STPG2: variants seen among roughly 807,000 people sequenced by gnomAD.
STPG2 encodes sperm tail PG-rich repeat containing 2.
Under a neutral mutation model 54.2 loss-of-function variants are expected in STPG2, and 56 were observed. That is an observed-to-expected ratio of 1.03 (90% CI 0.83 to 1.29). STPG2 has a LOEUF of 1.29. STPG2 is among the 50% of genes most tolerant of loss of function. STPG2 has a pLI of 0.00. For synonymous variants in STPG2, 200 were observed against 181.8 expected (o/e 1.10, Z -0.81); for missense variants, 596 against 544.9 (o/e 1.09, Z -0.93).
chr4:98,066,794 G>T (rs1737850889), intron 5 of STPG2, among the ~76,000 whole-genome samples: 1 of 152,124 alleles, frequency 6.6e-6, no homozygotes, highest in Non-Finnish European at 1.5e-5. Flanking sequence ...TAAGAGTACT[G>T]TATGTATTCA....
At chr4:97,597,568 G>A (rs1733331683) in intron 10 of STPG2, among the ~76,000 whole-genome samples, 1 of 151,644 alleles carries the variant, frequency 6.6e-6, no homozygotes, top group South Asian at 2.1e-4. Context: ...GGGATGCAAG[G>A]TTGTTTCAAT....
At chr4:97,634,741 C>A (rs1266099440) in intron 10 of STPG2, among the ~76,000 whole-genome samples, 1 of 151,696 alleles carries the variant, frequency 6.6e-6, no homozygotes, top group Non-Finnish European at 1.5e-5. Context: ...AGGGTATCAG[C>A]AATGGAAGAT....
chr4:98,083,555 C>T (rs1220313380), intron 5 of STPG2, among the ~76,000 whole-genome samples: 2 of 152,138 alleles, frequency 1.3e-5, no homozygotes, highest in Admixed American at 6.5e-5. Flanking sequence ...ACCCAAATTT[C>T]CATCACATTT....
At chr4:97,832,000 T>C (rs1179889450) in intron 9 of STPG2, among the ~76,000 whole-genome samples, 1 of 152,092 alleles carries the variant, frequency 6.6e-6, no homozygotes, top group African/African-American at 2.4e-5. Flanking sequence ...AAAGAAGGAA[T>C]CCTCCCTAAC....
chr4:97,584,360 A>C (rs1732938492), intron 10 of STPG2, among the ~76,000 whole-genome samples: 1 of 152,008 alleles, frequency 6.6e-6, no homozygotes, highest in African/African-American at 2.4e-5. Flanking sequence ...ACTTATCAAA[A>C]CCTCTGGGAT....
chr4:97,519,090 CAG>C lies in STPG2; in HGVS notation c.462+193607_462+193608del. Among the ~76,000 whole-genome samples the C allele has an allele frequency of 1.3e-5, 2 of 152,102 alleles. 1 individual carries two copies. The highest frequency in any genetic ancestry group is 4.1e-4 in the South Asian group (2 of 4,820). Reference sequence around the variant, plus strand: ...TGTAAAGCCAATAAATTAATAAAAACAGTGGTTTAGATTTAAGACCGAATAAT... The same window carrying C: ...TGTAAAGCCAATAAATTAATAAAAACTGGTTTAGATTTAAGACCGAATAAT... On this transcript the variant is annotated intron_variant, in intron 4 of 4. Coordinates refer to the STPG2 transcript ENST00000522676.
intron 5 of STPG2, among the ~76,000 whole-genome samples, chr4:98,084,835 T>A (rs1333651252): frequency 6.6e-6 from 1 of 152,160 alleles, no homozygotes; most frequent in Non-Finnish European, 1.5e-5. Flanking sequence ...ATAAGAATTC[T>A]TTATTATTCT....
chr4:97,555,064 T>C (rs1732046684), downstream of STPG2, among the ~76,000 whole-genome samples: 1 of 152,278 alleles, frequency 6.6e-6, no homozygotes, highest in Non-Finnish European at 1.5e-5. Flanking sequence ...AAAAAATCAC[T>C]AGAGCCTCTT....
intron 8 of STPG2, among the ~76,000 whole-genome samples, chr4:97,864,814 CAA>C (rs1224792171): frequency 1.3e-5 from 2 of 152,072 alleles, no homozygotes; most frequent in African/African-American, 4.8e-5. Flanking sequence ...TGATCTTTGA[CAA>C]ACCTGACACA....
Position 97,964,444 on chromosome 4 carries a change from C to A in STPG2, c.933+7836G>T, listed in dbSNP as rs537430178. Among the ~76,000 whole-genome samples, 13 of 152,156 alleles carry A rather than the reference C, an allele frequency of 8.5e-5. 1 individual carries two copies. In the South Asian group the frequency reaches 2.3e-3, roughly 27 times the overall value. On this transcript the variant is annotated intron_variant, in intron 7 of 10. Coordinates refer to ENST00000295268, the MANE Select transcript of STPG2 (RefSeq NM_174952.3). ...AAGGTGTGTAGAAACACAAAACACACAGAGAATTGTCTCTTAATGATAAAA... is the reference window on the plus strand; with the variant it reads ...AAGGTGTGTAGAAACACAAAACACAAAGAGAATTGTCTCTTAATGATAAAA...
At chr4:97,531,426 T>G (rs1200068986) in intron 4 of STPG2, among the ~76,000 whole-genome samples, 1 of 152,210 alleles carries the variant, frequency 6.6e-6, no homozygotes. Context: ...GTTGCAGCAC[T>G]GTTCACAATA....
Position 97,946,137 on chromosome 4 carries a change from C to A in STPG2, c.934-2130G>T, listed in dbSNP as rs368669066. On this transcript the variant is annotated intron_variant, in intron 7 of 10. Transcript: ENST00000295268. ...CATTGCGGTTTTAATTTGCATTTCC[C>A]TGATGACTAGTGATGTTGAATATTT... 7.9e-5 allele frequency among the ~76,000 whole-genome samples: 12 copies of A among 152,244 alleles called. No individual in the cohort carries two copies. In the East Asian group the frequency reaches 1.2e-3, roughly 15 times the overall value.
intron 9 of STPG2, among the ~76,000 whole-genome samples, chr4:97,774,544 T>A (rs965097451): frequency 6.6e-6 from 1 of 152,038 alleles, no homozygotes; most frequent in Admixed American, 6.6e-5. Flanking sequence ...TTAGGTGAGG[T>A]TTACAGTAAG....
At chr4:97,739,077 C>T (rs1256972331) in intron 9 of STPG2, among the ~76,000 whole-genome samples, 2 of 152,050 alleles carry the variant, frequency 1.3e-5, no homozygotes, top group African/African-American at 2.4e-5. Flanking sequence ...AACCGCTCAA[C>T]TACATGGAAA....
At chr4:97,732,378 G>A (rs1156348777) in intron 9 of STPG2, among the ~76,000 whole-genome samples, 1 of 152,158 alleles carries the variant, frequency 6.6e-6, no homozygotes, top group Non-Finnish European at 1.5e-5. Flanking sequence ...GAGAGATAGC[G>A]ATCCAGTTTC....
chr4:97,460,643 A>G (rs1201049768), intron 4 of STPG2, among the ~76,000 whole-genome samples: 2 of 152,176 alleles, frequency 1.3e-5, no homozygotes, highest in Non-Finnish European at 2.9e-5. Flanking sequence ...AGAAAATTGC[A>G]CAAGTATAAT....
intron 10 of STPG2, among the ~76,000 whole-genome samples, chr4:97,561,664 G>A (rs963450018): frequency 6.6e-6 from 1 of 151,954 alleles, no homozygotes; most frequent in East Asian, 1.9e-4. Flanking sequence ...CATATGGCTA[G>A]CCAGTTTTCC....
chr4:97,631,917 T>A (rs1721295283), intron 10 of STPG2, among the ~76,000 whole-genome samples: 1 of 152,100 alleles, frequency 6.6e-6, no homozygotes, highest in Non-Finnish European at 1.5e-5. Flanking sequence ...ATAGATTAAA[T>A]GTTTTAATGA....
chr4:97,786,837 T>A (rs1402401605), intron 9 of STPG2, among the ~76,000 whole-genome samples: 1 of 152,098 alleles, frequency 6.6e-6, no homozygotes, highest in Non-Finnish European at 1.5e-5. Flanking sequence ...GTTATCAAAT[T>A]GACTATGGCA....
Sources: allele counts gnomAD v4.1 joint callset (sites outside exome capture counted in the v4.1 genomes callset), GRCh38; gene constraint gnomAD v4.1.1; transcripts MANE v1.5; gene names NCBI Gene and HGNC (gene_info 2026-07-23, HGNC 2026-07-21).